The following PCBP3 variants were observed in gnomAD, a reference collection of about 807,000 sequenced individuals.
PCBP3 encodes poly(rC)-binding protein 3.
A neutral mutation model predicts 52.7 loss-of-function variants in PCBP3; 25 were observed. That is an observed-to-expected ratio of 0.47 (90% confidence interval 0.35 to 0.66). The LOEUF is 0.66. Ranked by LOEUF, PCBP3 falls within the 30% of genes least tolerant of loss-of-function variation. PCBP3 has a pLI of 0.01. For missense variants in PCBP3, 391 were observed against 490.3 expected, an observed-to-expected ratio of 0.80 and a Z score of 1.91; for synonymous variants, 162 against 183.0, an observed-to-expected ratio of 0.89 and a Z score of 0.93.
At chr21:45,790,324 G>A (rs1294232537) in intron 4 of PCBP3, among the ~76,000 whole-genome samples, 1 of 152,104 alleles carries the variant, frequency 6.6e-6, no homozygotes, top group Non-Finnish European at 1.5e-5. Flanking sequence ...GACAGGGGAG[G>A]TGAGGTGACT....
intron 5 of PCBP3, among the ~76,000 whole-genome samples, chr21:45,856,821 T>TGA (rs904688130): frequency 6.6e-6 from 1 of 152,202 alleles, no homozygotes; most frequent in African/African-American, 2.4e-5. Context: ...TAGGGAGGCA[T>TGA]GAGACATCAA....
intron 4 of PCBP3, among the ~76,000 whole-genome samples, chr21:45,843,683 A>G (rs556835041): frequency 6.6e-6 from 1 of 152,342 alleles, no homozygotes; most frequent in South Asian, 2.1e-4. Context: ...TTGTAAAGTT[A>G]TCTTTTGCTA....
intron 5 of PCBP3, among the ~76,000 whole-genome samples, chr21:45,882,528 T>C (rs1393807370): frequency 2.0e-5 from 3 of 152,224 alleles, no homozygotes; most frequent in East Asian, 1.9e-4. Flanking sequence ...CAGTTTGATA[T>C]AATCCCATTT....
At chr21:45,767,119 C>T (rs775216361) in intron 4 of PCBP3, among the ~76,000 whole-genome samples, 1 of 151,856 alleles carries the variant, frequency 6.6e-6, no homozygotes, top group African/African-American at 2.4e-5. Context: ...GCATTGAGCA[C>T]AGTCTTCATG....
chr21:45,908,492 G>A (rs570254634), intron 9 of PCBP3, among the ~76,000 whole-genome samples: 1 of 152,346 alleles, frequency 6.6e-6, no homozygotes, highest in South Asian at 2.1e-4. Flanking sequence ...TCTAAGAAGA[G>A]GGCACTTTTC....
chr21:45,857,415 A>T (rs2094343112), intron 5 of PCBP3, among the ~76,000 whole-genome samples: 1 of 152,138 alleles, frequency 6.6e-6, no homozygotes, highest in Non-Finnish European at 1.5e-5. Context: ...GTCCTCACGG[A>T]GGCCCCTCTC....
At chr21:45,832,808 G>T (rs1013716251) in intron 4 of PCBP3, 1 of 152,250 alleles carries the variant, frequency 6.6e-6, no homozygotes, top group Non-Finnish European at 1.5e-5. Context: ...CACATGGCTG[G>T]GGAGGCCTCA....
chr21:45,708,020 A>G (rs2083569591), intron 2 of PCBP3, among the ~76,000 whole-genome samples: 1 of 152,236 alleles, frequency 6.6e-6, no homozygotes, highest in African/African-American at 2.4e-5. Context: ...CTTCAGTGGC[A>G]AAGCCGACGT....
At position 45,898,650 on chromosome 21, in the gene PCBP3, TGC is replaced by T. The variant is rs1569467712; in HGVS notation, c.166-948_166-947del. ...CTCCCTCTCCCTCCACGGGCCCCTC[TGC>T]ACACCGTCCTCACAGCCTCCCTCTC... On this transcript the variant is annotated intron_variant, in intron 6 of 17. Transcript: ENST00000681687. Among the ~76,000 whole-genome samples the T allele has an allele frequency of 9.1e-5, 9 of 99,408 alleles. 1 individual carries two copies. The highest frequency in any genetic ancestry group is 1.4e-4 in the Non-Finnish European group (7 of 49,092). 65.2% of individuals were successfully genotyped at this position (99,408 alleles called of 152,430 possible). A position where few individuals can be genotyped will look rare whatever the true frequency, so the allele number is the denominator to read the frequency against.
chr21:45,757,479 T>G (rs1289291980), intron 4 of PCBP3, among the ~76,000 whole-genome samples: 7 of 152,234 alleles, frequency 4.6e-5, no homozygotes, highest in Admixed American at 4.6e-4. Context: ...GTAGGTTGTC[T>G]TTTCATTTTC....
intron 4 of PCBP3, among the ~76,000 whole-genome samples, chr21:45,815,370 T>G (rs1347906642): frequency 3.1e-4 from 8 of 25,812 alleles, no homozygotes; most frequent in South Asian, 2.0e-3. Flanking sequence ...TGGTGAGTGA[T>G]GAGTGAGTGG....
At chr21:45,929,687 G>A (rs1179263020) in intron 13 of PCBP3, among the ~76,000 whole-genome samples, 1 of 152,230 alleles carries the variant, frequency 6.6e-6, no homozygotes, top group Admixed American at 6.5e-5. Flanking sequence ...AGGGAGAGAA[G>A]ACAGCGGCTT....
chr21:45,749,151 C>G (rs1344017127), intron 3 of PCBP3, among the ~76,000 whole-genome samples: 2 of 152,100 alleles, frequency 1.3e-5, no homozygotes, highest in Non-Finnish European at 2.9e-5. Context: ...AGTAAAGAAA[C>G]AGAGACTAAA....
rs1454999620 is a variant in PCBP3, at chr21:45,891,658, A to G, written c.11-4550A>G. 3.3e-5 allele frequency among the ~76,000 whole-genome samples: 5 copies of G among 152,188 alleles called. No homozygotes were observed. In the East Asian group the frequency reaches 9.6e-4, roughly 29 times the overall value. The stretch of plus-strand genomic sequence containing the variant: ...ACTGTGGGACACCCCAGGGGTATAC[A>G]CGGGCAAGATTGTCACACTGTAGAC... On this transcript the variant is annotated intron_variant, in intron 5 of 17. Coordinates refer to ENST00000681687, the MANE Select transcript of PCBP3 (RefSeq NM_001384156.1).
chr21:45,784,887 T>C (rs902231325), intron 4 of PCBP3, among the ~76,000 whole-genome samples: 7 of 152,012 alleles, frequency 4.6e-5, no homozygotes, highest in African/African-American at 1.7e-4. Context: ...CGCCACCCCG[T>C]CTGGGAAGTG....
intron 6 of PCBP3, among the ~76,000 whole-genome samples, chr21:45,898,538 CACACTGTCCTCCCAGCCTCCCTCTA>C: frequency 1.0e-5 from 1 of 97,868 alleles, no homozygotes; most frequent in Non-Finnish European, 2.4e-5. Context: ...GACCCCTCTA[CACACTGTCCTCCCAGCCTCCCTCTA>C]CACGCCATCC....
rs1352239878 is a variant in PCBP3, at chr21:45,649,181, CAAGAG to C, written c.-279+5320_-279+5324del. Among the ~76,000 whole-genome samples the C allele has an allele frequency of 3.3e-5, 5 of 152,276 alleles. No individual in the cohort carries two copies. The East Asian group carries it at 9.6e-4, about 29-fold the overall frequency. On this transcript the variant is annotated intron_variant, in intron 1 of 17. Transcript: ENST00000681687. The stretch of plus-strand genomic sequence containing the variant: ...AAGGTACATCTCACATGGCAGCAGA[CAAGAG>C]AAGAGAGAGAGCTTGTGCAGGGAAA...
chr21:45,917,276 C>T lies in PCBP3; in HGVS notation c.676-312C>T. 3.1e-6 allele frequency: 1 copy of T among 327,138 alleles called. No individual in the cohort carries two copies. The highest frequency in any genetic ancestry group is 5.6e-6 in the Non-Finnish European group (1 of 178,330). 20.3% of individuals were successfully genotyped at this position (327,138 alleles called of 1,614,324 possible). ...CGTAATAATTAGTGGAGACCTCTTA[C>T]TGGGCAGATCACTCTTCGATTCTTT... On this transcript the variant is annotated intron_variant, in intron 12 of 17. Coordinates refer to ENST00000681687, the MANE Select transcript of PCBP3 (RefSeq NM_001384156.1). This position sits in a 1 kb window ranked among gnomAD's most constrained non-coding sequence, Gnocchi z 5.3.
chr21:45,861,971 G>A (rs934406995), intron 5 of PCBP3, among the ~76,000 whole-genome samples: 6 of 152,118 alleles, frequency 3.9e-5, no homozygotes, highest in Non-Finnish European at 8.8e-5. Flanking sequence ...GGGAAGGGTC[G>A]GCCTGTCTGA....
Sources: allele counts gnomAD v4.1 joint callset (sites outside exome capture counted in the v4.1 genomes callset), GRCh38; gene constraint gnomAD v4.1.1; non-coding constraint Gnocchi (gnomAD v3.1); transcripts MANE v1.5; gene names NCBI Gene and HGNC (gene_info 2026-07-23, HGNC 2026-07-21).